Variants in TOX2 observed in about 807,000 individuals in gnomAD.
The protein encoded by TOX2 is TOX high mobility group box family member 2, also known as granulosa cell HMG box 1.
TOX2 carries 15 observed loss-of-function variants against 47.4 expected under a neutral mutation model. The ratio of observed to expected loss-of-function variants is 0.32; its 90% CI spans 0.21 to 0.49. The LOEUF is 0.49. TOX2 is among the 20% of genes least tolerant of loss of function. The pLI is 0.99. For missense variants in TOX2, 622 were observed against 673.1 expected (o/e 0.92, Z 0.84); for synonymous variants, 290 against 296.6 (o/e 0.98, Z 0.23).
intron 3 of TOX2, among the ~76,000 whole-genome samples, chr20:44,028,025 C>A (rs904244415): frequency 6.6e-6 from 1 of 152,140 alleles, no homozygotes; most frequent in Non-Finnish European, 1.5e-5. Flanking sequence ...GCACCAGCCA[C>A]GGTTCCCTCT....
chr20:44,065,965 A>G lies in TOX2; in HGVS notation c.1214A>G (p.Gln405Arg). The G allele has an allele frequency of 6.2e-7, 1 of 1,613,402 alleles. No homozygotes were observed. Among genetic ancestry groups the G allele is most frequent in the East Asian group, 2.2e-5 (1 of 44,874 alleles). Residue 405 changes from glutamine (Q) to arginine (R), a missense_variant, in exon 7 of 9, where the codon CAG becomes CGG. Physicochemically the swap from Gln to Arg is conservative, Grantham distance 43. Around this residue, in one of 3 missense-constraint regions of TOX2, gnomAD observed 294 missense variants for 300.0 expected, o/e 0.98. Transcript: ENST00000341197. The part of the protein sequence containing the change: ...SFPLSPTLHQ[Q>R]LSLPPHAQGA... The stretch of plus-strand genomic sequence containing the variant: ...CCGCTCAGCCCCACACTGCACCAGC[A>G]GCTGTCACTGCCCCCTCACGCCCAG...
intron 3 of TOX2, among the ~76,000 whole-genome samples, chr20:44,012,332 A>G (rs1362985564): frequency 6.6e-6 from 1 of 152,222 alleles, no homozygotes; most frequent in Non-Finnish European, 1.5e-5. Context: ...ACATTCCCAG[A>G]CAGGTTCCTG....
intron 5 of TOX2, among the ~76,000 whole-genome samples, chr20:44,059,513 A>G (rs2071679849): frequency 6.6e-6 from 1 of 152,206 alleles, no homozygotes; most frequent in African/African-American, 2.4e-5. Flanking sequence ...AGAAGTTCAA[A>G]GAACACCTGG....
chr20:43,932,774 G>GCC (rs201585312), intron 1 of TOX2, among the ~76,000 whole-genome samples: 32 of 144,152 alleles, frequency 2.2e-4, no homozygotes, highest in African/African-American at 8.2e-4. Context: ...AGGGGTTGCT[G>GCC]CCCCCCCCCG....
At chr20:43,947,268 G>A (rs2069489753) in intron 1 of TOX2, among the ~76,000 whole-genome samples, 1 of 152,228 alleles carries the variant, frequency 6.6e-6, no homozygotes. Context: ...CCATAAAATG[G>A]GGACACTGAT....
chr20:43,972,428 G>C (rs1469086221), intron 1 of TOX2, among the ~76,000 whole-genome samples: 1 of 152,330 alleles, frequency 6.6e-6, no homozygotes. Flanking sequence ...TTCCCAAGGA[G>C]TACTTTCTTA....
rs141081053 is a variant in TOX2 at position 43,999,028 on chromosome 20, C to T, written c.166-7519C>T. On this transcript the variant is annotated intron_variant, in intron 2 of 8. Coordinates refer to ENST00000341197, the MANE Select transcript of TOX2 (RefSeq NM_001098797.2). ...ACCCACCTTGGCCTCTCAAAGTTCT[C>T]GGATTACAGGCGTGCGCCACCATGC... 1.1e-4 allele frequency among the ~76,000 whole-genome samples: 17 copies of T among 152,246 alleles called. No homozygotes were observed. In the East Asian group the frequency reaches 2.5e-3, roughly 22 times the overall value.
chr20:44,013,334 C>G (rs1221525819), intron 3 of TOX2, among the ~76,000 whole-genome samples: 1 of 152,194 alleles, frequency 6.6e-6, no homozygotes, highest in Non-Finnish European at 1.5e-5. Flanking sequence ...TCTCTCTCCT[C>G]TTCTCTTCCC....
chr20:43,962,439 G>T (rs1041745876), intron 1 of TOX2, among the ~76,000 whole-genome samples: 2 of 152,178 alleles, frequency 1.3e-5, no homozygotes, highest in African/African-American at 4.8e-5. Flanking sequence ...AGCTGCCCAG[G>T]TCCCCAGGAT....
In TOX2 at chr20:44,009,934, C is replaced by A. The variant is rs78507654; in HGVS notation, c.411+3142C>A. Among the ~76,000 whole-genome samples, 1,210 of 152,222 alleles carry A rather than the reference C, an allele frequency of 7.9e-3. 4 individuals are homozygous for A. Among genetic ancestry groups the A allele is most frequent in the Middle Eastern group, 0.041 (12 of 294 alleles). On this transcript the variant is annotated intron_variant, in intron 3 of 8. Coordinates refer to ENST00000341197, the MANE Select transcript of TOX2 (RefSeq NM_001098797.2). ...TGGGGTGGTGGTTGGTCCCAGACAC[C>A]AGAATTAGATCCTGGCTTCACCTTT...
rs181781162 is a variant in TOX2, at chr20:43,986,611, C to A, written c.165+13179C>A. ...AATTTATTAACATGGTATACTCCCA[C>A]CGAAACGGAGAATATGTAAAAGACT... is the stretch of plus-strand genomic sequence containing the variant. On this transcript the variant is annotated intron_variant, in intron 2 of 8. Coordinates refer to ENST00000341197, the MANE Select transcript of TOX2 (RefSeq NM_001098797.2). Among the ~76,000 whole-genome samples the A allele has an allele frequency of 6.9e-4, 105 of 152,208 alleles. 1 individual carries two copies. In the South Asian group the frequency reaches 0.015, roughly 22 times the overall value.
At chr20:44,014,128 C>CAAAAA (rs55721806) in intron 3 of TOX2, among the ~76,000 whole-genome samples, 2 of 53,562 alleles carry the variant, frequency 3.7e-5, no homozygotes, top group Non-Finnish European at 6.4e-5. Flanking sequence ...GAGACTATCT[C>CAAAAA]AAAAAAAAAA....
At chr20:44,022,991 G>A (rs2070999101) in intron 3 of TOX2, among the ~76,000 whole-genome samples, 1 of 151,566 alleles carries the variant, frequency 6.6e-6, no homozygotes, top group South Asian at 2.1e-4. Flanking sequence ...AGAGAGAGAG[G>A]GAAAGGGAGG....
chr20:43,983,443 A>G (rs2070204899), intron 2 of TOX2, among the ~76,000 whole-genome samples: 1 of 152,148 alleles, frequency 6.6e-6, no homozygotes, highest in African/African-American at 2.4e-5. Context: ...TCAGGAGGCC[A>G]GAAGACAAGG....
intron 3 of TOX2, among the ~76,000 whole-genome samples, chr20:44,050,853 G>A (rs1236402092): frequency 6.6e-6 from 1 of 152,144 alleles, no homozygotes; most frequent in Non-Finnish European, 1.5e-5. Context: ...TAGGTAACTT[G>A]GCCAAAGTCA....
intron 1 of TOX2, among the ~76,000 whole-genome samples, chr20:43,946,508 A>G (rs1303151789): frequency 6.6e-6 from 1 of 152,220 alleles, no homozygotes; most frequent in Non-Finnish European, 1.5e-5. Flanking sequence ...GGACGTCACC[A>G]GGAATACCCG....
At chr20:43,958,424 T>A (rs897393642) in intron 1 of TOX2, among the ~76,000 whole-genome samples, 2 of 152,128 alleles carry the variant, frequency 1.3e-5, no homozygotes, top group African/African-American at 4.8e-5. Context: ...ACATACCGGT[T>A]TTCCCCCAAC....
chr20:43,989,061 T>C (rs968515983), intron 2 of TOX2, among the ~76,000 whole-genome samples: 1 of 152,232 alleles, frequency 6.6e-6, no homozygotes, highest in Non-Finnish European at 1.5e-5. Flanking sequence ...CTATCCCCAG[T>C]GTGGTCATGG....
chr20:44,039,134 C>A, intron 3 of TOX2: 1 of 1,259,298 alleles, frequency 7.9e-7, no homozygotes, highest in South Asian at 1.2e-5. Flanking sequence ...TGCCGGGAGG[C>A]AACGTGTGGA....
Sources: gnomAD v4.1 joint callset for allele counts (sites outside exome capture counted in the v4.1 genomes callset) on GRCh38, gnomAD v4.1.1 for gene constraint, gnomAD v4.1.1 regional missense constraint, MANE v1.5 for transcripts, NCBI Gene and HGNC (gene_info 2026-07-23, HGNC 2026-07-21) for gene names.